SAP30BP: variants seen among roughly 807,000 people sequenced by gnomAD.
The protein encoded by SAP30BP is SAP30 binding protein.
In SAP30BP, 31 loss-of-function variants were observed where a neutral mutation model predicts 46.3. That is an observed-to-expected ratio of 0.67 (90% CI 0.50 to 0.90). The LOEUF is 0.90. SAP30BP is among the 40% of genes least tolerant of loss of function. The pLI is 0.00. For synonymous variants in SAP30BP, 169 were observed against 144.2 expected, an observed-to-expected ratio of 1.17 and a Z score of -1.23; for missense variants, 312 against 391.0, an observed-to-expected ratio of 0.80 and a Z score of 1.70.
chr17:75,706,557 C>G lies in SAP30BP; in HGVS notation c.*36C>G, dbSNP rs1427437324. The G allele has an allele frequency of 6.3e-7, 1 of 1,595,636 alleles. No individual in the cohort carries two copies. Among genetic ancestry groups the G allele is most frequent in the Admixed American group, 1.7e-5 (1 of 59,518 alleles). ...CACCCTAGGACTTGAAAGGACCGTGCAGCCCAGTGACCACTGCCCAGTGGG... is the reference window on the plus strand; with the variant it reads ...CACCCTAGGACTTGAAAGGACCGTGGAGCCCAGTGACCACTGCCCAGTGGG... On this transcript the variant is annotated 3_prime_UTR_variant, in exon 11 of 11. Coordinates refer to ENST00000584667, the MANE Select transcript of SAP30BP (RefSeq NM_013260.8). This position sits in a 1 kb window ranked among gnomAD's most constrained non-coding sequence, Gnocchi z 4.6.
chr17:75,676,986 T>C lies in SAP30BP; in HGVS notation c.264+5123T>C, dbSNP rs954835740. 1.8e-4 allele frequency among the ~76,000 whole-genome samples: 28 copies of C among 152,286 alleles called. 1 individual carries two copies. The highest frequency in any genetic ancestry group is 1.0e-4 in the Non-Finnish European group (7 of 68,034). Reference sequence around the variant, plus strand: ...TTTCCCTGAGACATTTGTCTGACTTTGTTATGCAGCAGAAGTATTTATGCA... The same window carrying C: ...TTTCCCTGAGACATTTGTCTGACTTCGTTATGCAGCAGAAGTATTTATGCA... On this transcript the variant is annotated intron_variant, in intron 3 of 10. Transcript: ENST00000584667.
In SAP30BP at chr17:75,703,318, G is replaced by A. The variant is rs778785021; in HGVS notation, c.496G>A (p.Glu166Lys). Residue 166 changes from glutamate to lysine, a missense_variant, in exon 7 of 11, where the codon GAG becomes AAG. By Grantham distance (56) the Glu-to-Lys change is moderately conservative (BLOSUM62 1). This residue lies in a region of SAP30BP where 296 missense variants were observed against 346.6 expected (regional missense o/e 0.85). Transcript: ENST00000584667. ...CCGGCACTGTTCTTTCAGCATCTAC[G>A]AGAAGCTGATCCAGTTCTGTGCCAT... is the stretch of plus-strand genomic sequence containing the variant. ...KKEFRNPSIY[E>K]KLIQFCAIDE... The A allele has an allele frequency of 1.2e-6, 2 of 1,614,056 alleles. No homozygotes were observed. The highest frequency in any genetic ancestry group is 8.5e-7 in the Non-Finnish European group (1 of 1,179,972).
At chr17:75,704,933 G>A (rs1279075205) in intron 9 of SAP30BP, 119 bp downstream of exon 9, 51 of 783,310 alleles carry the variant, frequency 6.5e-5, no homozygotes, top group Non-Finnish European at 1.1e-4. Context: ...ATCACCCGGC[G>A]ATGCTCTGAG....
rs868272478 is a variant in SAP30BP, at chr17:75,696,708, G to C, written c.308-3075G>C. On this transcript the variant is annotated intron_variant, in intron 4 of 10. Transcript: ENST00000584667. ...CCCGAATGTGTTCCTTTATTTGCCA[G>C]TTACTTCCTAGGAATTATCTTGTTT... is the stretch of plus-strand genomic sequence containing the variant. Among the ~76,000 whole-genome samples the C allele has an allele frequency of 5.3e-5, 8 of 150,386 alleles. No homozygotes were observed. The South Asian group carries it at 1.7e-3, about 32-fold the overall frequency.
At chr17:75,705,968 A>C in intron 9 of SAP30BP, 40 bp from the exon 10 acceptor site, 1 of 1,608,634 alleles carries the variant, frequency 6.2e-7, no homozygotes, top group Non-Finnish European at 8.5e-7. Flanking sequence ...GTGGACACCC[A>C]GCTTTGCCTG....
chr17:75,699,140 T>C (rs1274985938), intron 4 of SAP30BP, among the ~76,000 whole-genome samples: 28 of 152,234 alleles, frequency 1.8e-4, no homozygotes, highest in Admixed American at 1.8e-3. Flanking sequence ...ACCACTACGC[T>C]CTAGCCTGGG....
At chr17:75,675,084 T>C (rs2059970543) in intron 3 of SAP30BP, among the ~76,000 whole-genome samples, 1 of 152,188 alleles carries the variant, frequency 6.6e-6, no homozygotes, top group African/African-American at 2.4e-5. Flanking sequence ...ACAATTAGAT[T>C]ACTGTCATAA....
chr17:75,683,602 C>A (rs2060116921), intron 3 of SAP30BP: 1 of 152,162 alleles, frequency 6.6e-6, no homozygotes, highest in South Asian at 2.1e-4. Flanking sequence ...TAATGAAGTT[C>A]TCTGGTGAAC....
rs1051946676 is a variant in SAP30BP, at chr17:75,688,422, A to C, written c.265-5018A>C. Among the ~76,000 whole-genome samples, 8 of 152,184 alleles carry C rather than the reference A, an allele frequency of 5.3e-5. No individual in the cohort carries two copies. In the East Asian group the frequency reaches 1.5e-3, roughly 29 times the overall value. ...TTACATTGCCCAACAGGAAACCCCC[A>C]GTCTGTAGCATTCTTGCCTGTGGCC... On this transcript the variant is annotated intron_variant, in intron 3 of 10. Coordinates refer to ENST00000584667, the MANE Select transcript of SAP30BP (RefSeq NM_013260.8).
intron 3 of SAP30BP, among the ~76,000 whole-genome samples, chr17:75,687,501 A>G (rs2060174313): frequency 6.6e-6 from 1 of 152,010 alleles, no homozygotes; most frequent in African/African-American, 2.4e-5. Flanking sequence ...CTGTAATCCC[A>G]GCTACTTGGG....
At chr17:75,695,597 C>T (rs2060305771) in intron 4 of SAP30BP, among the ~76,000 whole-genome samples, 1 of 152,174 alleles carries the variant, frequency 6.6e-6, no homozygotes. Flanking sequence ...TTTAGTTCCT[C>T]TTACTGAAGA....
chr17:75,695,862 G>A (rs1225388177), intron 4 of SAP30BP, among the ~76,000 whole-genome samples: 2 of 152,146 alleles, frequency 1.3e-5, no homozygotes, highest in African/African-American at 2.4e-5. Flanking sequence ...CCAGGGCCTC[G>A]CAGATGCCCA....
At chr17:75,686,532 A>G (rs1347670813) in intron 3 of SAP30BP, among the ~76,000 whole-genome samples, 3 of 151,862 alleles carry the variant, frequency 2.0e-5, no homozygotes, top group Admixed American at 1.3e-4. Flanking sequence ...AAGAAAAAAA[A>G]AAAGAAAGAA....
At chr17:75,703,526 C>T in intron 7 of SAP30BP, 155 bp downstream of exon 7, 1 of 686,512 alleles carries the variant, frequency 1.5e-6, no homozygotes, top group South Asian at 1.7e-5. Flanking sequence ...CCCTATTGTT[C>T]TGAAATAGTC....
intron 8 of SAP30BP, 90 bp downstream of exon 8, chr17:75,703,949 T>TCAGGGTCTA (rs1263068443): frequency 1.7e-4 from 168 of 975,944 alleles, no homozygotes; most frequent in Non-Finnish European, 2.2e-4. Flanking sequence ...GACACATATT[T>TCAGGGTCTA]CAGGGTCTAC....
intron 9 of SAP30BP, chr17:75,705,112 C>A (rs1027605372): frequency 5.0e-6 from 2 of 397,386 alleles, no homozygotes; most frequent in Non-Finnish European, 9.5e-6. Context: ...CCTTTGTAGC[C>A]TGAAGGGAGG....
chr17:75,672,011 G>A lies in SAP30BP; in HGVS notation c.264+148G>A, dbSNP rs2059914803. 4.2e-6 allele frequency: 3 copies of A among 708,784 alleles called. No homozygotes were observed. The African/African-American group carries it at 5.3e-5, about 13-fold the overall frequency. 43.9% of individuals were successfully genotyped at this position (708,784 alleles called of 1,614,324 possible). A position where few individuals can be genotyped will look rare whatever the true frequency, so the allele number is the denominator to read the frequency against. ...TCTGGGATAAAATAAGCTTTATAAA[G>A]AAAGAACCTGGAGACAACTCAGGAA... On this transcript the variant is annotated intron_variant, in intron 3 of 10. Coordinates refer to ENST00000584667, the MANE Select transcript of SAP30BP (RefSeq NM_013260.8).
chr17:75,674,721 T>TTTTTTTTTTTTTTTTTTTG, intron 3 of SAP30BP, among the ~76,000 whole-genome samples: 1 of 140,580 alleles, frequency 7.1e-6, no homozygotes, highest in African/African-American at 2.7e-5. Context: ...TTTTTTTTTT[T>TTTTTTTTTTTTTTTTTTTG]TTTTGAGGTG....
intron 3 of SAP30BP, among the ~76,000 whole-genome samples, chr17:75,674,920 C>G (rs977844059): frequency 6.6e-6 from 1 of 151,806 alleles, no homozygotes; most frequent in Non-Finnish European, 1.5e-5. Flanking sequence ...CCCGGCTGGT[C>G]TTGAACTCCT....
Sources: gnomAD v4.1 joint callset for allele counts (sites outside exome capture counted in the v4.1 genomes callset) on GRCh38, gnomAD v4.1.1 for gene constraint, gnomAD v4.1.1 regional missense constraint, Gnocchi (gnomAD v3.1) non-coding constraint, MANE v1.5 for transcripts, NCBI Gene and HGNC (gene_info 2026-07-23, HGNC 2026-07-21) for gene names.